Variants in SCAPER observed in about 807,000 individuals in gnomAD.
SCAPER encodes S phase cyclin A-associated protein in the endoplasmic reticulum.
In SCAPER, 98 loss-of-function variants were observed where a neutral mutation model predicts 182.2. The ratio of observed to expected loss-of-function variants is 0.54; its 90% confidence interval spans 0.46 to 0.64. The LOEUF (loss-of-function observed/expected upper bound fraction) is 0.64, where lower values mean the gene tolerates loss of function less well. SCAPER is among the 30% of genes least tolerant of loss of function. SCAPER has a pLI of 0.00. For synonymous variants in SCAPER, 605 were observed against 564.6 expected (o/e 1.07, Z -1.01); for missense variants, 1,432 against 1,690.0 (o/e 0.85, Z 2.68).
chr15:76,785,925 A>G (rs187884996), intron 8 of SCAPER, among the ~76,000 whole-genome samples: 4 of 152,282 alleles, frequency 2.6e-5, no homozygotes, highest in Non-Finnish European at 5.9e-5. Flanking sequence ...TACCTAATGC[A>G]AATGACAAGT....
intron 22 of SCAPER, among the ~76,000 whole-genome samples, chr15:76,578,652 C>T (rs1446874917): frequency 2.0e-5 from 3 of 152,256 alleles, no homozygotes; most frequent in Non-Finnish European, 2.9e-5. Flanking sequence ...TGTTACTGGG[C>T]TTGGGGTTCC....
chr15:76,562,565 G>C (rs1280781704), intron 23 of SCAPER, among the ~76,000 whole-genome samples: 1 of 152,048 alleles, frequency 6.6e-6, no homozygotes, highest in East Asian at 1.9e-4. Flanking sequence ...TTAAAATCTT[G>C]GCAAGATAGC....
chr15:76,619,756 T>C (rs1354098389), intron 22 of SCAPER, among the ~76,000 whole-genome samples: 1 of 152,154 alleles, frequency 6.6e-6, no homozygotes. Flanking sequence ...GATTTTCTTT[T>C]AATAGATCCT....
chr15:76,484,508 C>G (rs1489447010), intron 24 of SCAPER, among the ~76,000 whole-genome samples: 1 of 152,032 alleles, frequency 6.6e-6, no homozygotes, highest in East Asian at 1.9e-4. Flanking sequence ...AAATAGCCTA[C>G]CAACTAAAAA....
chr15:76,848,017 C>CT (rs1011586097), intron 4 of SCAPER, among the ~76,000 whole-genome samples: 1 of 151,834 alleles, frequency 6.6e-6, no homozygotes, highest in East Asian at 1.9e-4. Context: ...AGACTTTTTT[C>CT]TTTTTTTTGA....
At chr15:76,353,690 C>G (rs540856207) in intron 30 of SCAPER, among the ~76,000 whole-genome samples, 1 of 152,140 alleles carries the variant, frequency 6.6e-6, no homozygotes, top group Admixed American at 6.5e-5. Context: ...TTCCTGAGTA[C>G]GGGTTACCAT....
At chr15:76,742,494 A>AAG (rs1567986942) in intron 15 of SCAPER, among the ~76,000 whole-genome samples, 6 of 108,660 alleles carry the variant, frequency 5.5e-5, no homozygotes, top group Non-Finnish European at 1.1e-4. Context: ...AAAAAAAAAA[A>AAG]GAATAAAAAT....
chr15:76,402,301 C>G (rs1169790632), intron 27 of SCAPER, among the ~76,000 whole-genome samples: 1 of 152,168 alleles, frequency 6.6e-6, no homozygotes, highest in Non-Finnish European at 1.5e-5. Flanking sequence ...AACGCCACTA[C>G]TGGAGGTGTT....
rs143128264 is a variant in SCAPER, at chr15:76,479,034, C to A, written c.2955-7699G>T. Among the ~76,000 whole-genome samples the A allele has an allele frequency of 6.4e-4, 98 of 152,216 alleles. No individual in the cohort carries two copies. The East Asian group carries it at 0.018, about 28-fold the overall frequency. On this transcript the variant is annotated intron_variant, in intron 24 of 31. Transcript: ENST00000563290. Reference sequence around the variant, plus strand: ...ACAACACACGGTATGGGACTAATGTCCTAATGCCCTCTGTGCTTTACATTA... The same window carrying A: ...ACAACACACGGTATGGGACTAATGTACTAATGCCCTCTGTGCTTTACATTA...
chr15:76,424,685 G>A (rs962085646), intron 26 of SCAPER, among the ~76,000 whole-genome samples: 3 of 152,122 alleles, frequency 2.0e-5, no homozygotes, highest in East Asian at 1.9e-4. Flanking sequence ...TATTTTGCTC[G>A]TTAGTTGATG....
intron 16 of SCAPER, among the ~76,000 whole-genome samples, chr15:76,732,041 C>A (rs2060951213): frequency 6.6e-6 from 1 of 152,174 alleles, no homozygotes; most frequent in African/African-American, 2.4e-5. Context: ...TGATTACAGT[C>A]TGCTGATGAA....
At chr15:76,872,278 GA>G (rs1568379978) in intron 2 of SCAPER, among the ~76,000 whole-genome samples, 1 of 151,782 alleles carries the variant, frequency 6.6e-6, no homozygotes, top group Non-Finnish European at 1.5e-5. Context: ...AACTGGAGCA[GA>G]AAAAAAATTT....
intron 27 of SCAPER, among the ~76,000 whole-genome samples, 155 bp from the exon 28 acceptor site, chr15:76,381,770 C>T (rs903214014): frequency 6.6e-6 from 1 of 152,170 alleles, no homozygotes. Flanking sequence ...AAATGCAGCC[C>T]TCCCCACCAA....
At chr15:76,662,938 T>C (rs1014517858) in intron 21 of SCAPER, among the ~76,000 whole-genome samples, 1 of 151,514 alleles carries the variant, frequency 6.6e-6, no homozygotes, top group Non-Finnish European at 1.5e-5. Flanking sequence ...GCACTAGACA[T>C]AAAAGAAAAA....
intron 26 of SCAPER, among the ~76,000 whole-genome samples, chr15:76,406,948 C>A (rs1266985425): frequency 6.6e-6 from 1 of 152,008 alleles, no homozygotes; most frequent in East Asian, 1.9e-4. Context: ...TAATATATGA[C>A]CATAGGAAAA....
intron 21 of SCAPER, among the ~76,000 whole-genome samples, chr15:76,663,270 A>G (rs1421981917): frequency 1.3e-5 from 2 of 152,186 alleles, no homozygotes; most frequent in Non-Finnish European, 2.9e-5. Context: ...AAAATTTTAA[A>G]AACTAGTAAT....
chr15:76,757,579 G>C (rs2062526146), intron 14 of SCAPER, among the ~76,000 whole-genome samples: 1 of 152,052 alleles, frequency 6.6e-6, no homozygotes, highest in Admixed American at 6.6e-5. Flanking sequence ...TGGGTGCACA[G>C]GTATCTCTTT....
intron 5 of SCAPER, 107 bp from the exon 6 acceptor site, chr15:76,804,740 C>A (rs2066028334): frequency 1.2e-5 from 7 of 570,954 alleles, no homozygotes; most frequent in Non-Finnish European, 2.0e-5. Context: ...ACATTATACT[C>A]TTCAATGAAA....
intron 8 of SCAPER, among the ~76,000 whole-genome samples, chr15:76,775,596 G>A (rs960031214): frequency 2.0e-5 from 3 of 152,102 alleles, no homozygotes; most frequent in East Asian, 3.9e-4. Flanking sequence ...CCATCCCAAC[G>A]GCCATATAAA....
Sources: gnomAD v4.1 joint callset for allele counts (sites outside exome capture counted in the v4.1 genomes callset) on GRCh38, gnomAD v4.1.1 for gene constraint, MANE v1.5 for transcripts, NCBI Gene and HGNC (gene_info 2026-07-23, HGNC 2026-07-21) for gene names.